TSHR: variants seen among roughly 807,000 people sequenced by gnomAD.
TSHR encodes the protein thyroid stimulating hormone receptor.
A neutral mutation model predicts 64.1 loss-of-function variants in TSHR; 51 were observed. The observed-to-expected ratio is 0.80, with a 90% CI of 0.64 to 1.01. TSHR has a LOEUF of 1.01. TSHR is among the 50% of genes least tolerant of loss of function. The pLI, the probability that TSHR is intolerant of heterozygous loss-of-function variation, is 0.00. For missense variants in TSHR, 877 were observed against 942.8 expected (o/e 0.93, Z 0.91); for synonymous variants, 361 against 361.9 (o/e 1.00, Z 0.03).
chr14:80,974,095 C>G (rs952704504), intron 1 of TSHR, among the ~76,000 whole-genome samples: 1 of 152,174 alleles, frequency 6.6e-6, no homozygotes, highest in Non-Finnish European at 1.5e-5. Flanking sequence ...TAACAGAATA[C>G]GCCTTGATCA....
chr14:81,012,724 CTGCATAAA>C (rs1312944222), intron 1 of TSHR: 2 of 151,996 alleles, frequency 1.3e-5, no homozygotes, highest in African/African-American at 4.8e-5. Flanking sequence ...TGTTTTTTGG[CTGCATAAA>C]TGTCTTCTTT....
intron 3 of TSHR, among the ~76,000 whole-genome samples, chr14:81,069,836 G>A (rs1020487125): frequency 6.6e-6 from 1 of 152,120 alleles, no homozygotes; most frequent in African/African-American, 2.4e-5. Context: ...AATAGAAAAT[G>A]ATCCATAGGA....
At chr14:81,046,708 C>G in intron 1 of TSHR, among the ~76,000 whole-genome samples, 1 of 152,020 alleles carries the variant, frequency 6.6e-6, no homozygotes, top group East Asian at 1.9e-4. Flanking sequence ...AATTCAAGAA[C>G]CTCTCAATGA....
At chr14:81,082,219 TAAG>T (rs989224899) in intron 3 of TSHR, among the ~76,000 whole-genome samples, 1 of 152,226 alleles carries the variant, frequency 6.6e-6, no homozygotes, top group African/African-American at 2.4e-5. Flanking sequence ...CTGTTTTATC[TAAG>T]AAGTACAAAG....
chr14:81,069,667 A>G (rs944682659), intron 3 of TSHR, among the ~76,000 whole-genome samples: 1 of 152,168 alleles, frequency 6.6e-6, no homozygotes, highest in Admixed American at 6.5e-5. Context: ...TTCCTAGTAA[A>G]CAATCCAGGA....
At position 81,143,897 on chromosome 14, in the gene TSHR, C is replaced by T. The variant is rs756468029; in HGVS notation, c.1839C>T (p.Tyr613=). The part of the protein sequence containing the change: ...KIYITVRNPQ[Y]NPGDKDTKIA... ...ACATCACAGTCCGAAATCCGCAGTA[C>T]AACCCAGGGGACAAAGATACCAAAA... The change falls in exon 10 of 10, where the codon TAC becomes TAT. Residue 613 remains tyrosine, a synonymous_variant. Coordinates refer to ENST00000298171, the MANE Select transcript of TSHR (RefSeq NM_000369.5). 11 of 1,614,190 alleles carry T rather than the reference C, an allele frequency of 6.8e-6. No individual in the cohort carries two copies. The highest frequency in any genetic ancestry group is 9.3e-6 in the Non-Finnish European group (11 of 1,180,046).
chr14:81,068,964 A>T (rs935277785), intron 3 of TSHR, among the ~76,000 whole-genome samples: 3 of 152,220 alleles, frequency 2.0e-5, no homozygotes, highest in Non-Finnish European at 4.4e-5. Flanking sequence ...TAATTTTTCT[A>T]TTTCGCTAGT....
At chr14:81,031,239 C>T (rs1315195316) in intron 1 of TSHR, among the ~76,000 whole-genome samples, 1 of 152,146 alleles carries the variant, frequency 6.6e-6, no homozygotes, top group Non-Finnish European at 1.5e-5. Flanking sequence ...TTCCATGCTA[C>T]CATCCTACTC....
chr14:80,967,403 G>A lies in TSHR; in HGVS notation c.170+11553G>A, dbSNP rs1291950605. On this transcript the variant is annotated intron_variant, in intron 1 of 9. Transcript: ENST00000298171. ...GGATTCAAGCAGTTCTCCTGCCTCA[G>A]CCTCCCTAGAAGCTGGGATTACAAG... Among the ~76,000 whole-genome samples, 3 of 150,502 alleles carry A rather than the reference G, an allele frequency of 2.0e-5. No individual in the cohort carries two copies. The East Asian group carries it at 5.9e-4, about 30-fold the overall frequency.
intron 8 of TSHR, among the ~76,000 whole-genome samples, chr14:81,133,307 G>C (rs543726977): frequency 1.3e-5 from 2 of 152,246 alleles, no homozygotes; most frequent in East Asian, 3.9e-4. Flanking sequence ...ATGGTCTGAA[G>C]AGCTACAGAA....
At chr14:81,098,667 A>G (rs530115390) in intron 7 of TSHR, among the ~76,000 whole-genome samples, 1 of 152,318 alleles carries the variant, frequency 6.6e-6, no homozygotes, top group South Asian at 2.1e-4. Context: ...AAGTTTAGTT[A>G]GCATAAAGGC....
At chr14:80,962,331 A>C (rs1035466183) in intron 1 of TSHR, among the ~76,000 whole-genome samples, 1 of 145,958 alleles carries the variant, frequency 6.9e-6, no homozygotes, top group African/African-American at 2.5e-5. Context: ...GAGTGGCTTA[A>C]AACAACAGAA....
At chr14:81,113,756 G>A (rs1202248355) in intron 8 of TSHR, among the ~76,000 whole-genome samples, 1 of 152,152 alleles carries the variant, frequency 6.6e-6, no homozygotes, top group Non-Finnish European at 1.5e-5. Flanking sequence ...TAAAATGCAA[G>A]CTAATTCAAA....
At chr14:81,106,487 G>A (rs891556118) in intron 7 of TSHR, among the ~76,000 whole-genome samples, 6 of 152,160 alleles carry the variant, frequency 3.9e-5, no homozygotes, top group Non-Finnish European at 8.8e-5. Flanking sequence ...GCACTGGGTA[G>A]ACATAGAACT....
chr14:80,965,039 C>G (rs933361362), intron 1 of TSHR, among the ~76,000 whole-genome samples: 4 of 152,334 alleles, frequency 2.6e-5, no homozygotes, highest in African/African-American at 9.6e-5. Flanking sequence ...AAGAAGAGAG[C>G]TCCCTGCTTC....
intron 1 of TSHR, chr14:80,993,081 A>C (rs1888827325): frequency 6.6e-6 from 1 of 152,226 alleles, no homozygotes; most frequent in South Asian, 2.1e-4. Flanking sequence ...GGGGAAGAGA[A>C]AAATAAAATA....
At chr14:81,057,637 G>A (rs952783839) in intron 1 of TSHR, among the ~76,000 whole-genome samples, 6 of 152,266 alleles carry the variant, frequency 3.9e-5, no homozygotes, top group African/African-American at 1.4e-4. Flanking sequence ...ACACCTCAGT[G>A]AAATACTGGC....
intron 8 of TSHR, among the ~76,000 whole-genome samples, chr14:81,114,786 C>CAGCTTT (rs1890412764): frequency 6.6e-6 from 1 of 152,212 alleles, no homozygotes; most frequent in African/African-American, 2.4e-5. Flanking sequence ...CCCTGTCTGA[C>CAGCTTT]AGCTTTGAAG....
At position 81,096,686 on chromosome 14, in the gene TSHR, A is replaced by G. The variant is rs1431073023; in HGVS notation, c.593A>G (p.Asn198Ser). The G allele has an allele frequency of 6.2e-7, 1 of 1,613,800 alleles. No individual in the cohort carries two copies. Among genetic ancestry groups the G allele is most frequent in the Non-Finnish European group, 8.5e-7 (1 of 1,179,728 alleles). Reference sequence around the variant, plus strand: ...ACTTCAGTCCAAGGATATGCTTTCAATGGGACAAAGCTGGATGCTGTGTAA... The same window carrying G: ...ACTTCAGTCCAAGGATATGCTTTCAGTGGGACAAAGCTGGATGCTGTGTAA... ...GFTSVQGYAF[N>S]GTKLDAVYLN... Residue 198 changes from asparagine (N) to serine (S), a missense_variant, in exon 7 of 10, where the codon AAT becomes AGT. Coordinates refer to ENST00000298171, the MANE Select transcript of TSHR (RefSeq NM_000369.5).
Sources: gnomAD v4.1 joint callset for allele counts (sites outside exome capture counted in the v4.1 genomes callset) on GRCh38, gnomAD v4.1.1 for gene constraint, MANE v1.5 for transcripts, NCBI Gene and HGNC (gene_info 2026-07-23, HGNC 2026-07-21) for gene names.